DLC1: variants seen among roughly 807,000 people sequenced by gnomAD.
DLC1 encodes the protein rho GTPase-activating protein 7.
Under a neutral mutation model 140.3 loss-of-function variants are expected in DLC1, and 54 were observed. That is an observed-to-expected ratio of 0.38 (90% CI 0.31 to 0.48). DLC1 has a LOEUF of 0.48. Ranked by LOEUF, DLC1 falls within the 20% of genes least tolerant of loss-of-function variation. The pLI, the probability that DLC1 is intolerant of heterozygous loss-of-function variation, is 0.96. For missense variants in DLC1, 2,536 were observed against 1,907.0 expected, an observed-to-expected ratio of 1.33 and a Z score of -6.14; for synonymous variants, 986 against 728.1, an observed-to-expected ratio of 1.35 and a Z score of -5.70.
chr8:13,280,703 C>T (rs573392941), intron 5 of DLC1, among the ~76,000 whole-genome samples: 36 of 152,242 alleles, frequency 2.4e-4, no homozygotes, highest in African/African-American at 8.4e-4. Context: ...GGTCTTATGG[C>T]CACTGTTGCT....
At chr8:13,177,057 T>G (rs1191602245) in intron 5 of DLC1, among the ~76,000 whole-genome samples, 1 of 152,200 alleles carries the variant, frequency 6.6e-6, no homozygotes, top group Non-Finnish European at 1.5e-5. Flanking sequence ...AGGTTTCTTA[T>G]AATAATATAA....
chr8:13,140,987 G>A (rs1411326372), intron 5 of DLC1, among the ~76,000 whole-genome samples: 1 of 152,142 alleles, frequency 6.6e-6, no homozygotes, highest in Non-Finnish European at 1.5e-5. Flanking sequence ...GGGTGCGGTG[G>A]CTCACGCCTG....
intron 1 of DLC1, among the ~76,000 whole-genome samples, chr8:13,523,746 G>A (rs1457216275): frequency 6.6e-6 from 1 of 152,128 alleles, no homozygotes; most frequent in East Asian, 1.9e-4. Context: ...GCCAAGATTG[G>A]AGACACAAAT....
intron 5 of DLC1, among the ~76,000 whole-genome samples, chr8:13,304,388 T>A (rs1371257977): frequency 1.3e-5 from 2 of 152,084 alleles, no homozygotes; most frequent in Non-Finnish European, 2.9e-5. Flanking sequence ...GAGAGAAAAG[T>A]TTAGCTCACA....
chr8:13,532,597 TCA>T (rs1374909862), intron 1 of DLC1, among the ~76,000 whole-genome samples: 2 of 150,640 alleles, frequency 1.3e-5, no homozygotes, highest in East Asian at 3.9e-4. Flanking sequence ...TCTCTCTCTC[TCA>T]GATATGTGAG....
At chr8:13,327,398 A>G (rs192723951) in intron 4 of DLC1, among the ~76,000 whole-genome samples, 74 of 150,846 alleles carry the variant, frequency 4.9e-4, no homozygotes, top group African/African-American at 1.7e-3. Flanking sequence ...ATGCAATTAC[A>G]TTTTGCTAGT....
At chr8:13,241,075 A>G (rs1341663319) in intron 5 of DLC1, among the ~76,000 whole-genome samples, 1 of 152,206 alleles carries the variant, frequency 6.6e-6, no homozygotes, top group Non-Finnish European at 1.5e-5. Flanking sequence ...GCTTTGCTGC[A>G]GTCACATAAT....
chr8:13,571,009 C>G (rs1164326732), intron 1 of DLC1, among the ~76,000 whole-genome samples: 1 of 152,094 alleles, frequency 6.6e-6, no homozygotes, highest in East Asian at 1.9e-4. Flanking sequence ...TGGACATTTA[C>G]CCACCAGAAG....
At chr8:13,239,691 A>T (rs1361661712) in intron 5 of DLC1, among the ~76,000 whole-genome samples, 1 of 152,186 alleles carries the variant, frequency 6.6e-6, no homozygotes, top group Non-Finnish European at 1.5e-5. Context: ...TAATCCTGAT[A>T]TGTAATCTCA....
chr8:13,330,320 T>G (rs1454949), intron 4 of DLC1, among the ~76,000 whole-genome samples: 129,221 of 152,144 alleles, frequency 0.85, 55,406 homozygotes, highest in East Asian at 0.95. Flanking sequence ...GATATCAAAA[T>G]AACCCAGCAC....
At chr8:13,438,351 G>C (rs1360393483) in intron 2 of DLC1, among the ~76,000 whole-genome samples, 1 of 152,104 alleles carries the variant, frequency 6.6e-6, no homozygotes, top group Non-Finnish European at 1.5e-5. Flanking sequence ...GTAAGCTAAT[G>C]ATAGGATAAA....
intron 5 of DLC1, among the ~76,000 whole-genome samples, chr8:13,188,055 T>C (rs1162898116): frequency 1.3e-5 from 2 of 151,870 alleles, no homozygotes; most frequent in Admixed American, 6.6e-5. Flanking sequence ...ATATTTATTT[T>C]AAGCAGGTCC....
chr8:13,331,500 A>G (rs533538061), intron 4 of DLC1, among the ~76,000 whole-genome samples: 156 of 152,322 alleles, frequency 1.0e-3, no homozygotes, highest in African/African-American at 3.7e-3. Flanking sequence ...TTTTGTTAAA[A>G]TAGCTATTGC....
intron 1 of DLC1, among the ~76,000 whole-genome samples, chr8:13,557,234 C>G (rs1563439230): frequency 6.6e-6 from 1 of 151,748 alleles, no homozygotes; most frequent in Non-Finnish European, 1.5e-5. Flanking sequence ...TATTCGTACT[C>G]TGAAAAAGCC....
chr8:13,162,908 C>T (rs1450959469), intron 5 of DLC1, among the ~76,000 whole-genome samples: 2 of 152,182 alleles, frequency 1.3e-5, no homozygotes, highest in African/African-American at 2.4e-5. Flanking sequence ...TCTGAAGACC[C>T]TGTTTCTAAA....
intron 15 of DLC1, 38 bp downstream of exon 15, chr8:13,090,214 C>G (rs1563565813): frequency 5.7e-6 from 9 of 1,591,604 alleles, no homozygotes; most frequent in Non-Finnish European, 4.3e-6. Context: ...AGCTTCGACT[C>G]CTGGACTCAA....
intron 2 of DLC1, among the ~76,000 whole-genome samples, chr8:13,447,369 A>G (rs1798824885): frequency 6.6e-6 from 1 of 152,216 alleles, no homozygotes; most frequent in African/African-American, 2.4e-5. Context: ...TTTGCGTGAC[A>G]TTGAGTAATA....
Position 13,316,239 on chromosome 8 carries a change from G to A in DLC1, c.1315-10937C>T, listed in dbSNP as rs139454679. ...GTCTGGTGCCTGCAGCAGCCTGTAG[G>A]ACTCACAGAGTCTGACAAGGTGGAA... On this transcript the variant is annotated intron_variant, in intron 4 of 17. Coordinates refer to ENST00000276297, the MANE Select transcript of DLC1 (RefSeq NM_182643.3). Among the ~76,000 whole-genome samples, 419 of 152,254 alleles carry A rather than the reference G, an allele frequency of 2.8e-3. 4 individuals carry two copies. The highest frequency in any genetic ancestry group is 9.4e-3 in the African/African-American group (390 of 41,564).
Position 13,499,252 on chromosome 8 carries a change from A to T in DLC1, c.820T>A (p.Phe274Ile). Residue 274 changes from phenylalanine to isoleucine, a missense_variant, in exon 2 of 18, where the codon TTT becomes ATT. By Grantham distance (21) the Phe-to-Ile change is conservative. Coordinates refer to ENST00000276297, the MANE Select transcript of DLC1 (RefSeq NM_182643.3). ...GGAGGCTGCAGAAGGCAGCTTCCAAAATCTGTTTTTAATAATGGCAGTCCT... is the reference window on the plus strand; with the variant it reads ...GGAGGCTGCAGAAGGCAGCTTCCAATATCTGTTTTTAATAATGGCAGTCCT... Reference protein sequence around the residue: ...NRGLPLLKTDFGSCLLQPPSC... With the variant: ...NRGLPLLKTDIGSCLLQPPSC... 6.2e-7 allele frequency: 1 copy of T among 1,614,190 alleles called. No individual in the cohort carries two copies. Among genetic ancestry groups the T allele is most frequent in the Non-Finnish European group, 8.5e-7 (1 of 1,180,028 alleles).
Sources: gnomAD v4.1 joint callset for allele counts (sites outside exome capture counted in the v4.1 genomes callset) on GRCh38, gnomAD v4.1.1 for gene constraint, MANE v1.5 for transcripts, NCBI Gene and HGNC (gene_info 2026-07-23, HGNC 2026-07-21) for gene names.